Variants in PNKD observed in about 807,000 individuals in gnomAD.
PNKD encodes probable thioesterase PNKD.
PNKD carries 36 observed loss-of-function variants against 45.3 expected under a neutral mutation model. The ratio of observed to expected loss-of-function variants is 0.80; its 90% CI spans 0.61 to 1.05. The LOEUF is 1.05. Ranked by LOEUF, PNKD falls within the 50% of genes least tolerant of loss-of-function variation. The pLI is 0.00. For missense variants in PNKD, 511 were observed against 506.6 expected (o/e 1.01, Z -0.08); for synonymous variants, 197 against 210.1 (o/e 0.94, Z 0.54).
intron 2 of PNKD, chr2:218,281,788 C>A: frequency 1.3e-6 from 1 of 744,596 alleles, no homozygotes; most frequent in Non-Finnish European, 2.2e-6. Flanking sequence ...TGGAGGGTAA[C>A]AAAGACAGAA....
At chr2:218,279,382 C>A in intron 2 of PNKD, 1 of 1,528,714 alleles carries the variant, frequency 6.5e-7, no homozygotes, top group South Asian at 1.3e-5. Flanking sequence ...GCATGGGTCA[C>A]CATCCGGCAC....
At chr2:218,319,347 C>T (rs1327602477) in intron 2 of PNKD, among the ~76,000 whole-genome samples, 1 of 147,834 alleles carries the variant, frequency 6.8e-6, no homozygotes, top group Non-Finnish European at 1.5e-5. Flanking sequence ...GCCATTTGTC[C>T]TGGGGACTGT....
At chr2:218,275,517 G>A (rs1406900037) in intron 2 of PNKD, 5 of 1,614,066 alleles carry the variant, frequency 3.1e-6, no homozygotes, top group Middle Eastern at 3.3e-4. Context: ...AGGTGAAGAT[G>A]TAGATGATGT....
intron 2 of PNKD, among the ~76,000 whole-genome samples, chr2:218,329,254 G>A (rs758858106): frequency 4.6e-5 from 7 of 152,186 alleles, no homozygotes; most frequent in African/African-American, 1.2e-4. Context: ...GAGCAGACCC[G>A]GCTCCACTAG....
intron 2 of PNKD, among the ~76,000 whole-genome samples, chr2:218,311,279 G>T (rs1161622333): frequency 2.0e-5 from 3 of 152,194 alleles, no homozygotes; most frequent in Non-Finnish European, 4.4e-5. Flanking sequence ...CGCACCTGTG[G>T]ATATTTCTCA....
At chr2:218,323,196 G>T in intron 2 of PNKD, 3 of 1,388,362 alleles carry the variant, frequency 2.2e-6, no homozygotes, top group Non-Finnish European at 2.8e-6. Context: ...CAGGTTCCCC[G>T]CGGGGGGCCG....
chr2:218,336,688 C>T (rs190397564), intron 2 of PNKD, among the ~76,000 whole-genome samples: 1 of 151,980 alleles, frequency 6.6e-6, no homozygotes, highest in African/African-American at 2.4e-5. Context: ...GCCATGTTGC[C>T]CAGTCTGGTC....
chr2:218,276,896 G>A (rs1176791624), intron 2 of PNKD: 12 of 856,558 alleles, frequency 1.4e-5, no homozygotes, highest in Non-Finnish European at 1.9e-5. Flanking sequence ...AGAGGTTCTG[G>A]AGGTCAGAGC....
intron 2 of PNKD, chr2:218,334,779 T>G: frequency 5.7e-6 from 4 of 701,538 alleles, no homozygotes; most frequent in African/African-American, 1.7e-5. Context: ...CTTTGATCAC[T>G]GGCTTAAGGT....
intron 2 of PNKD, chr2:218,272,906 G>A: frequency 6.5e-7 from 1 of 1,547,736 alleles, no homozygotes; most frequent in Non-Finnish European, 8.7e-7. Flanking sequence ...CAAGGAGCCA[G>A]CCAAAGGCAA....
chr2:218,332,851 G>T (rs1694369472), intron 2 of PNKD, among the ~76,000 whole-genome samples: 1 of 151,936 alleles, frequency 6.6e-6, no homozygotes, highest in Non-Finnish European at 1.5e-5. Context: ...TCTCTGCATG[G>T]CCTGGCCCCT....
intron 2 of PNKD, chr2:218,278,623 C>T: frequency 6.3e-7 from 1 of 1,584,286 alleles, no homozygotes; most frequent in Non-Finnish European, 8.7e-7. Flanking sequence ...CTTGGCAGCA[C>T]ACACCAGGCC....
chr2:218,323,593 T>TG (rs1187370470), intron 2 of PNKD, among the ~76,000 whole-genome samples: 1 of 70,616 alleles, frequency 1.4e-5, no homozygotes, highest in South Asian at 5.6e-4. Flanking sequence ...GCCACTGAGT[T>TG]GGGGGGCCTG....
Position 218,343,532 on chromosome 2 carries a change from C to T in PNKD, c.814C>T (p.Leu272=), listed in dbSNP as rs767404629. ...CTTTGAGGGCAATGCAGAGACCATG[C>T]TGAGCTCACTGGACACTGTGCTGGG... ...RTFEGNAETM[L]SSLDTVLGLG... The change falls in exon 8 of 10, where the codon CTG becomes TTG. Residue 272 remains leucine, a synonymous_variant. Coordinates refer to ENST00000273077, the MANE Select transcript of PNKD (RefSeq NM_015488.5). The T allele has an allele frequency of 3.7e-6, 6 of 1,613,640 alleles. No homozygotes were observed. The highest frequency in any genetic ancestry group is 5.1e-6 in the Non-Finnish European group (6 of 1,179,838).
chr2:218,275,471 C>G, intron 2 of PNKD: 1 of 1,611,330 alleles, frequency 6.2e-7, no homozygotes, highest in Non-Finnish European at 8.5e-7. Flanking sequence ...TGGGGGCTTG[C>G]TCCTTAATTG....
chr2:218,272,073 G>T (rs1248286472), intron 2 of PNKD, among the ~76,000 whole-genome samples: 1 of 152,190 alleles, frequency 6.6e-6, no homozygotes, highest in East Asian at 1.9e-4. Context: ...ACAGAGGAAG[G>T]AACTGAGACT....
intron 2 of PNKD, 70 bp downstream of exon 2, chr2:218,271,619 TCTCC>T: frequency 4.3e-6 from 6 of 1,400,796 alleles, no homozygotes; most frequent in South Asian, 1.2e-5. Flanking sequence ...CTTAGAAACT[TCTCC>T]AAGTTTCAGG....
chr2:218,302,070 C>T (rs940739057), intron 2 of PNKD, among the ~76,000 whole-genome samples: 9 of 151,850 alleles, frequency 5.9e-5, no homozygotes, highest in African/African-American at 2.2e-4. Flanking sequence ...GCACCCAAGG[C>T]AGGGAGCTGT....
At chr2:218,337,802 C>T (rs1200613107) in intron 2 of PNKD, among the ~76,000 whole-genome samples, 1 of 152,126 alleles carries the variant, frequency 6.6e-6, no homozygotes, top group East Asian at 1.9e-4. Flanking sequence ...CCTGCATGTC[C>T]CACTGTCCTA....
Sources: allele counts gnomAD v4.1 joint callset (sites outside exome capture counted in the v4.1 genomes callset), GRCh38; gene constraint gnomAD v4.1.1; transcripts MANE v1.5; gene names NCBI Gene and HGNC (gene_info 2026-07-23, HGNC 2026-07-21).